HHIPL2: variants seen among roughly 807,000 people sequenced by gnomAD.
HHIPL2 encodes the protein HHIP-like protein 2.
A neutral mutation model predicts 61.0 loss-of-function variants in HHIPL2; 61 were observed. The observed-to-expected ratio is 1.00, with a 90% CI of 0.81 to 1.24. The LOEUF is 1.24. HHIPL2 is among the 50% of genes most tolerant of loss of function. The pLI is 0.00. For synonymous variants in HHIPL2, 343 were observed against 357.4 expected (o/e 0.96, Z 0.45); for missense variants, 885 against 910.2 (o/e 0.97, Z 0.36).
In HHIPL2 at chr1:222,523,657, G is replaced by A. The variant is rs777158590; in HGVS notation, c.1843C>T (p.Pro615Ser). Residue 615 changes from proline to serine, a missense_variant, in exon 8 of 9, where the codon CCC (proline) becomes TCC (serine). Pro to Ser is a moderately conservative substitution (Grantham distance 74). Coordinates refer to ENST00000343410, the MANE Select transcript of HHIPL2 (RefSeq NM_024746.4). ...ATCCGCTTACTCTTGGTTCTCACGGGCACTGGCTTGTATTTGCACTTGCCT... is the reference window on the plus strand; with the variant it reads ...ATCCGCTTACTCTTGGTTCTCACGGACACTGGCTTGTATTTGCACTTGCCT... Reference protein sequence around the residue: ...PPGKCKYKPVPVRTKSKRIPF... With the variant: ...PPGKCKYKPVSVRTKSKRIPF... 5.0e-6 allele frequency: 8 copies of A among 1,614,022 alleles called. No individual in the cohort carries two copies. The highest frequency in any genetic ancestry group is 4.0e-5 in the African/African-American group (3 of 74,922).
intron 5 of HHIPL2, among the ~76,000 whole-genome samples, chr1:222,536,005 C>CG (rs977391304): frequency 1.6e-4 from 25 of 151,822 alleles, no homozygotes; most frequent in Admixed American, 1.4e-3. Context: ...AAGTAGTACT[C>CG]GGGGGGAAAT....
intron 2 of HHIPL2, among the ~76,000 whole-genome samples, chr1:222,542,932 C>A (rs187202313): frequency 6.8e-4 from 103 of 152,278 alleles, no homozygotes; most frequent in African/African-American, 2.3e-3. Context: ...TGCTCCATCC[C>A]TTCTTTTGAG....
rs1659487725 is a variant in HHIPL2, at chr1:222,543,703, C to T, written c.808G>A (p.Asp270Asn). The T allele has an allele frequency of 1.2e-6, 2 of 1,614,064 alleles. No homozygotes were observed. Among genetic ancestry groups the T allele is most frequent in the South Asian group, 2.2e-5 (2 of 91,092 alleles). The change falls in exon 2 of 9, where the codon GAT (aspartate) becomes AAT (asparagine). Residue 270 changes from aspartate to asparagine, a missense_variant. Coordinates refer to ENST00000343410, the MANE Select transcript of HHIPL2 (RefSeq NM_024746.4). ...NIVLTTPWIGDERGFLGLAFH... is the reference protein window; with the variant it reads ...NIVLTTPWIGNERGFLGLAFH... ...GCCAACCCCAAGAAGCCTCTCTCAT[C>T]CCCGATCCATGGGGTGGTCAACACG...
intron 8 of HHIPL2, among the ~76,000 whole-genome samples, chr1:222,523,338 A>G (rs1237009989): frequency 1.3e-5 from 2 of 152,232 alleles, no homozygotes; most frequent in Non-Finnish European, 2.9e-5. Context: ...CAAAGTAAGT[A>G]TGAAATGAAT....
chr1:222,545,252 A>G (rs1659529988), intron 1 of HHIPL2, among the ~76,000 whole-genome samples: 1 of 152,182 alleles, frequency 6.6e-6, no homozygotes, highest in African/African-American at 2.4e-5. Flanking sequence ...GACTCTCCTG[A>G]GCCAGCCAGC....
In HHIPL2 at chr1:222,522,594, C is replaced by G; in HGVS notation, c.*7G>C. On this transcript the variant is annotated 3_prime_UTR_variant, in exon 9 of 9. Coordinates refer to ENST00000343410, the MANE Select transcript of HHIPL2 (RefSeq NM_024746.4). ...ACGTCACCCTGTCGGCCACCTTGAC[C>G]AATAGGTCAAGGGAGACTTCTGCCA... is the stretch of plus-strand genomic sequence containing the variant. 1.9e-6 allele frequency: 3 copies of G among 1,610,046 alleles called. No homozygotes were observed. Among genetic ancestry groups the G allele is most frequent in the Non-Finnish European group, 2.5e-6 (3 of 1,179,382 alleles).
chr1:222,523,697 A>G lies in HHIPL2; in HGVS notation c.1806-3T>C. On this transcript the variant is annotated splice_region_variant and splice_polypyrimidine_tract_variant and intron_variant, in intron 7 of 8. Transcript: ENST00000343410. ...TGCACTTGCCTGGGGGTGCTCGCCT[A>G]AAAACACAAACAGAAAGCATGAGGA... The G allele has an allele frequency of 6.2e-7, 1 of 1,614,068 alleles. No homozygotes were observed.
chr1:222,523,712 A>C lies in HHIPL2; in HGVS notation c.1806-18T>G. 10 of 1,613,000 alleles carry C rather than the reference A, an allele frequency of 6.2e-6. No individual in the cohort carries two copies. Among genetic ancestry groups the C allele is most frequent in the Non-Finnish European group, 8.5e-6 (10 of 1,178,994 alleles). ...GTGCTCGCCTAAAAACACAAACAGA[A>C]AGCATGAGGACGCAAGACTCTGAAG... On this transcript the variant is annotated intron_variant, in intron 7 of 8. Coordinates refer to ENST00000343410, the MANE Select transcript of HHIPL2 (RefSeq NM_024746.4).
Position 222,546,117 on chromosome 1 carries a change from G to A in HHIPL2, c.321+1607C>T, listed in dbSNP as rs149008578. 2.9e-4 allele frequency among the ~76,000 whole-genome samples: 44 copies of A among 151,820 alleles called. No individual in the cohort carries two copies. The East Asian group carries it at 6.0e-3, about 21-fold the overall frequency. ...CTGTTGAGTCTGTCTTACGTGCCAGGCACCGTTCTCTACATTGATTGGGAT... is the reference window on the plus strand; with the variant it reads ...CTGTTGAGTCTGTCTTACGTGCCAGACACCGTTCTCTACATTGATTGGGAT... On this transcript the variant is annotated intron_variant, in intron 1 of 8. Coordinates refer to ENST00000343410, the MANE Select transcript of HHIPL2 (RefSeq NM_024746.4).
intron 5 of HHIPL2, among the ~76,000 whole-genome samples, chr1:222,533,816 G>A (rs1409197874): frequency 6.6e-6 from 1 of 152,164 alleles, no homozygotes; most frequent in Admixed American, 6.5e-5. Context: ...TCCTTGAGCT[G>A]AAAAGATATT....
rs766550336 is a variant in HHIPL2 at position 222,523,637 on chromosome 1, C to T, written c.1863G>A (p.Lys621=). 6.2e-7 allele frequency: 1 copy of T among 1,614,182 alleles called. No homozygotes were observed. Among genetic ancestry groups the T allele is most frequent in the South Asian group, 1.1e-5 (1 of 91,084 alleles). ...TGGCGAGTGGTCTGAACGGGATCCGCTTACTCTTGGTTCTCACGGGCACTG... is the reference window on the plus strand; with the variant it reads ...TGGCGAGTGGTCTGAACGGGATCCGTTTACTCTTGGTTCTCACGGGCACTG... ...YKPVPVRTKS[K]RIPFRPLAKT... Residue 621 remains lysine, a synonymous_variant, in exon 8 of 9, where the codon AAG becomes AAA. Transcript: ENST00000343410.
chr1:222,533,737 A>AT (rs1450186713), intron 5 of HHIPL2, among the ~76,000 whole-genome samples: 1 of 152,164 alleles, frequency 6.6e-6, no homozygotes, highest in African/African-American at 2.4e-5. Context: ...GAACCCTATG[A>AT]TTTTTCCAGC....
chr1:222,523,091 G>A (rs996864133), intron 8 of HHIPL2, among the ~76,000 whole-genome samples: 11 of 152,038 alleles, frequency 7.2e-5, no homozygotes, highest in African/African-American at 2.4e-4. Context: ...CCTTAAGATA[G>A]TATCCTTCCT....
intron 6 of HHIPL2, among the ~76,000 whole-genome samples, chr1:222,528,911 C>T (rs1265147897): frequency 1.3e-5 from 2 of 150,482 alleles, no homozygotes; most frequent in African/African-American, 4.9e-5. Context: ...GCCTCAACCT[C>T]CTGGGCTCAA....
At chr1:222,538,573 T>C in intron 5 of HHIPL2, 75 bp downstream of exon 5, 2 of 1,343,618 alleles carry the variant, frequency 1.5e-6, no homozygotes, top group Non-Finnish European at 2.1e-6. Context: ...TGATTATATT[T>C]CACCATATGT....
intron 5 of HHIPL2, among the ~76,000 whole-genome samples, chr1:222,536,704 A>G (rs777612204): frequency 6.9e-4 from 105 of 152,322 alleles, no homozygotes; most frequent in Admixed American, 2.3e-3. Context: ...TCCTTCATGC[A>G]CATAGATTTT....
chr1:222,523,515 ACT>A (rs1658998552), intron 8 of HHIPL2, 95 bp downstream of exon 8: 5 of 1,130,996 alleles, frequency 4.4e-6, no homozygotes, highest in Non-Finnish European at 6.7e-6. Flanking sequence ...TCAGGGGGTA[ACT>A]AAGACTCCAC....
chr1:222,538,954 A>G, intron 4 of HHIPL2, 180 bp from the exon 5 acceptor site: 2 of 563,794 alleles, frequency 3.5e-6, no homozygotes, highest in East Asian at 3.1e-5. Flanking sequence ...GCCATCCACA[A>G]TATTTGCAAA....
chr1:222,524,530 C>T (rs1026384877), intron 7 of HHIPL2, among the ~76,000 whole-genome samples: 2 of 152,204 alleles, frequency 1.3e-5, no homozygotes, highest in African/African-American at 4.8e-5. Flanking sequence ...TATTATTATA[C>T]TCATTTTACA....
Sources: allele counts gnomAD v4.1 joint callset (sites outside exome capture counted in the v4.1 genomes callset), GRCh38; gene constraint gnomAD v4.1.1; transcripts MANE v1.5; gene names NCBI Gene and HGNC (gene_info 2026-07-23, HGNC 2026-07-21).